Variants in FBXO34 observed in about 807,000 individuals in gnomAD.
FBXO34 encodes the protein F-box protein 34.
In FBXO34, 12 loss-of-function variants were observed where a neutral mutation model predicts 24.5. That is an observed-to-expected ratio of 0.49 (90% CI 0.31 to 0.79). FBXO34 has a LOEUF of 0.79. Ranked by LOEUF, FBXO34 falls within the 30% of genes least tolerant of loss-of-function variation. FBXO34 has a pLI of 0.04. For synonymous variants in FBXO34, 320 were observed against 311.9 expected (o/e 1.03, Z -0.27); for missense variants, 823 against 857.7 (o/e 0.96, Z 0.51).
chr14:55,396,419 T>C, the FBXO34 span, among the ~76,000 whole-genome samples: 2 of 152,192 alleles, frequency 1.3e-5, no homozygotes, highest in Non-Finnish European at 2.9e-5. Context: ...ATTAGGGAAA[T>C]TGCAGAGTTA....
intron 1 of FBXO34, among the ~76,000 whole-genome samples, chr14:55,311,675 TC>T (rs1210407890): frequency 2.6e-5 from 4 of 152,202 alleles, no homozygotes; most frequent in African/African-American, 9.6e-5. Context: ...GGCCTGCAGG[TC>T]CCATGTAAGT....
rs1225560483 is a variant in FBXO34, at chr14:55,277,577, C to T, written c.-11+6040C>T. Among the ~76,000 whole-genome samples, 3 of 152,148 alleles carry T rather than the reference C, an allele frequency of 2.0e-5. No individual in the cohort carries two copies. In the East Asian group the frequency reaches 5.8e-4, roughly 29 times the overall value. On this transcript the variant is annotated intron_variant, in intron 1 of 1. Coordinates refer to ENST00000313833, the MANE Select transcript of FBXO34 (RefSeq NM_017943.4). ...TCAAAGGCCCAATTATAGTGTACTG[C>T]AGCCTTGAACTTTTGGGCTCAAGTG...
the FBXO34 span, chr14:55,395,097 A>T: frequency 2.0e-6 from 1 of 503,472 alleles, no homozygotes. Flanking sequence ...TTTTGTCTGA[A>T]GATTTATCCT....
At chr14:55,433,009 T>C in the FBXO34 span, among the ~76,000 whole-genome samples, 46 of 152,340 alleles carry the variant, frequency 3.0e-4, no homozygotes, top group African/African-American at 1.1e-3. Flanking sequence ...CCCAGACTTA[T>C]AACACACTTC....
chr14:55,429,040 A>G, the FBXO34 span: 1 of 1,568,730 alleles, frequency 6.4e-7, no homozygotes, highest in East Asian at 2.2e-5. Context: ...CTGGTGTTGT[A>G]TTGGATTGTT....
At chr14:55,303,580 C>T (rs1882437064) in intron 1 of FBXO34, among the ~76,000 whole-genome samples, 1 of 149,638 alleles carries the variant, frequency 6.7e-6, no homozygotes, top group African/African-American at 2.5e-5. Flanking sequence ...GGACAACTCC[C>T]CTCTCCCATT....
chr14:55,368,733 AC>A (rs1401363907), downstream of FBXO34: 1 of 152,228 alleles, frequency 6.6e-6, no homozygotes, highest in Non-Finnish European at 1.5e-5. Context: ...AGGCCACTTA[AC>A]TAAGTGGCTT....
chr14:55,299,663 T>A (rs1320571953), intron 1 of FBXO34, among the ~76,000 whole-genome samples: 2 of 152,190 alleles, frequency 1.3e-5, no homozygotes, highest in Non-Finnish European at 2.9e-5. Flanking sequence ...CAGATTCCTT[T>A]TGATTATCTA....
At chr14:55,369,941 G>A (rs754562514), downstream of FBXO34, 2 of 1,578,076 alleles carry the variant, frequency 1.3e-6, no homozygotes, top group Non-Finnish European at 1.7e-6. Context: ...TGCAGACAAT[G>A]AGGGTCTCTT....
chr14:55,349,084 C>T (rs1475325313), intron 1 of FBXO34, among the ~76,000 whole-genome samples: 2 of 151,844 alleles, frequency 1.3e-5, no homozygotes, highest in Non-Finnish European at 2.9e-5. Flanking sequence ...TGCAGGAGTC[C>T]AGCCATCCCT....
At chr14:55,290,137 A>C (rs1881894126) in intron 1 of FBXO34, among the ~76,000 whole-genome samples, 1 of 152,074 alleles carries the variant, frequency 6.6e-6, no homozygotes. Context: ...CACGCCTGTA[A>C]TCCCAGCACT....
At chr14:55,413,218 G>A in the FBXO34 span, among the ~76,000 whole-genome samples, 23 of 152,168 alleles carry the variant, frequency 1.5e-4, 1 homozygote, top group African/African-American at 5.3e-4. Context: ...AAGGTCTCGG[G>A]CTTATGTTTC....
chr14:55,422,994 A>C, the FBXO34 span, among the ~76,000 whole-genome samples: 1,347 of 152,374 alleles, frequency 8.8e-3, 24 homozygotes, highest in African/African-American at 0.031. Context: ...GCCAACAGGA[A>C]AAAATAACAA....
the FBXO34 span, among the ~76,000 whole-genome samples, chr14:55,405,909 A>G: frequency 6.6e-6 from 1 of 151,982 alleles, no homozygotes; most frequent in Admixed American, 6.6e-5. Context: ...AGGGGAAGAA[A>G]AGGCAGATGT....
chr14:55,348,852 C>T (rs187434519), intron 1 of FBXO34, among the ~76,000 whole-genome samples: 9 of 151,964 alleles, frequency 5.9e-5, no homozygotes, highest in Admixed American at 2.0e-4. Context: ...GTGATTAAAA[C>T]TGATAACCTG....
Position 55,343,929 on chromosome 14 carries a change from A to G in FBXO34, c.-10-6452A>G, listed in dbSNP as rs574102843. Among the ~76,000 whole-genome samples the G allele has an allele frequency of 1.3e-5, 2 of 152,318 alleles. 1 individual carries two copies. The highest frequency in any genetic ancestry group is 4.8e-5 in the African/African-American group (2 of 41,570). On this transcript the variant is annotated intron_variant, in intron 1 of 1. Transcript: ENST00000313833. ...TTTATGGCTTCATTTTGGGGAGTGT[A>G]TACTGTCTTTAGGTGAGAGTTTTCT...
At chr14:55,417,487 T>A in the FBXO34 span, among the ~76,000 whole-genome samples, 2 of 131,792 alleles carry the variant, frequency 1.5e-5, no homozygotes, top group African/African-American at 2.9e-5. Context: ...AAAGTCTCGC[T>A]CGGTCACCCA....
At chr14:55,287,172 C>T (rs1324000693) in intron 1 of FBXO34, among the ~76,000 whole-genome samples, 1 of 152,162 alleles carries the variant, frequency 6.6e-6, no homozygotes, top group East Asian at 1.9e-4. Flanking sequence ...TCCCAAAGTG[C>T]TGGGATTACA....
chr14:55,272,997 C>T (rs1216665305), intron 1 of FBXO34, among the ~76,000 whole-genome samples: 2 of 152,164 alleles, frequency 1.3e-5, no homozygotes, highest in South Asian at 2.1e-4. Context: ...GTCATAGTGA[C>T]CCTCTTCGGG....
Sources: allele counts gnomAD v4.1 joint callset (sites outside exome capture counted in the v4.1 genomes callset), GRCh38; gene constraint gnomAD v4.1.1; transcripts MANE v1.5; gene names NCBI Gene and HGNC (gene_info 2026-07-23, HGNC 2026-07-21).